Variants in EVC2 observed in about 807,000 individuals in gnomAD.
EVC2 encodes the protein EvC ciliary complex subunit 2, also known as limbin.
Under a neutral mutation model 149.3 loss-of-function variants are expected in EVC2, and 148 were observed. The ratio of observed to expected loss-of-function variants is 0.99; its 90% confidence interval spans 0.87 to 1.14. The LOEUF (loss-of-function observed/expected upper bound fraction) is 1.14. Among genes scored for constraint, EVC2 ranks in the 50% most tolerant of loss-of-function variants. The pLI is 0.00. For missense variants in EVC2, 1,854 were observed against 1,627.3 expected, an observed-to-expected ratio of 1.14 and a Z score of -2.40; for synonymous variants, 776 against 649.9, an observed-to-expected ratio of 1.19 and a Z score of -2.95.
chr4:5,535,802 A>G, the EVC2 span, among the ~76,000 whole-genome samples: 1 of 152,180 alleles, frequency 6.6e-6, no homozygotes. This position sits in a 1 kb window ranked among gnomAD's most constrained non-coding sequence, Gnocchi z 4.7. Flanking sequence ...GGAGAGGGAC[A>G]CAGTCATTCA....
At chr4:5,597,114 C>G (rs1319660422) in intron 16 of EVC2, among the ~76,000 whole-genome samples, 2 of 152,200 alleles carry the variant, frequency 1.3e-5, no homozygotes, top group Non-Finnish European at 2.9e-5. Context: ...CAGACGGATT[C>G]ACAGCCGAAT....
chr4:5,697,001 TGACA>T (rs1721516676), intron 2 of EVC2, among the ~76,000 whole-genome samples: 1 of 152,196 alleles, frequency 6.6e-6, no homozygotes, highest in Admixed American at 6.5e-5. Context: ...GACAGAGATT[TGACA>T]GACAGAAGAG....
intron 20 of EVC2, among the ~76,000 whole-genome samples, chr4:5,566,151 G>C (rs957124973): frequency 6.6e-6 from 1 of 152,258 alleles, no homozygotes; most frequent in Admixed American, 6.5e-5. Flanking sequence ...GGTGGGCTAG[G>C]CAGGGAGCCC....
At position 5,637,056 on chromosome 4, in the gene EVC2, G is replaced by A. The variant is rs572422576; in HGVS notation, c.1470+3458C>T. Among the ~76,000 whole-genome samples the A allele has an allele frequency of 6.6e-6, 1 of 152,182 alleles. No homozygotes were observed. The highest frequency in any genetic ancestry group is 1.5e-5 in the Non-Finnish European group (1 of 68,036). ...TACACGCTGGCTTGCAAGGTGGTGTGGGTGGGAGAGACAGGCTGCAGAAAA... is the reference window on the plus strand; with the variant it reads ...TACACGCTGGCTTGCAAGGTGGTGTAGGTGGGAGAGACAGGCTGCAGAAAA... On this transcript the variant is annotated intron_variant, in intron 10 of 21. Coordinates refer to ENST00000344408, the MANE Select transcript of EVC2 (RefSeq NM_147127.5). The surrounding 1 kb of genome is among the most constrained non-coding windows in gnomAD (Gnocchi z 4.4).
At chr4:5,581,400 TGAG>T (rs1233052156) in intron 17 of EVC2, among the ~76,000 whole-genome samples, 1 of 152,236 alleles carries the variant, frequency 6.6e-6, no homozygotes, top group Non-Finnish European at 1.5e-5. Context: ...AATTCTAGGC[TGAG>T]GAGGTCTCAG....
intron 13 of EVC2, among the ~76,000 whole-genome samples, chr4:5,624,991 A>G (rs536340886): frequency 1.2e-4 from 19 of 152,134 alleles, no homozygotes; most frequent in Admixed American, 1.0e-3. Context: ...ATCCGCTCGC[A>G]CCCGGCCAAG....
Position 5,622,835 on chromosome 4 carries a change from C to G in EVC2, c.2203G>C (p.Asp735His). 1.2e-6 allele frequency: 2 copies of G among 1,614,004 alleles called. No homozygotes were observed. Among genetic ancestry groups the G allele is most frequent in the Non-Finnish European group, 1.7e-6 (2 of 1,180,004 alleles). Residue 735 changes from aspartate (D) to histidine (H), a missense_variant, in exon 14 of 22, where the codon GAT (aspartate) becomes CAT (histidine). Transcript: ENST00000344408. This position sits in a 1 kb window ranked among gnomAD's most constrained non-coding sequence, Gnocchi z 5.8. The stretch of plus-strand genomic sequence containing the variant: ...AGCGAAAGGGTCAGGGTCCTGAGAT[C>G]GTCCAGGGCGGCCTGGTCCAGACGC... Reference protein sequence around the residue: ...QERLDQAALDDLRTLTLSLFE... With the variant: ...QERLDQAALDHLRTLTLSLFE...
At chr4:5,594,574 C>T (rs545774325) in intron 16 of EVC2, among the ~76,000 whole-genome samples, 3 of 152,146 alleles carry the variant, frequency 2.0e-5, no homozygotes, top group Non-Finnish European at 4.4e-5. Flanking sequence ...CCCATCTGTA[C>T]ATCACCATCA....
intron 16 of EVC2, among the ~76,000 whole-genome samples, chr4:5,589,246 G>A (rs377696835): frequency 5.9e-5 from 9 of 152,258 alleles, no homozygotes; most frequent in South Asian, 2.1e-4. Context: ...TTCCATTGCC[G>A]AGGCAAGACC....
chr4:5,680,863 T>C, intron 7 of EVC2, among the ~76,000 whole-genome samples: 1 of 151,666 alleles, frequency 6.6e-6, no homozygotes, highest in Non-Finnish European at 1.5e-5. Flanking sequence ...AATGGAGAAG[T>C]ATTATGGTGA....
rs953678397 is a variant in EVC2 at position 5,567,813 on chromosome 4, T to C, written c.3557+631A>G. Among the ~76,000 whole-genome samples, 2 of 152,024 alleles carry C rather than the reference T, an allele frequency of 1.3e-5. No homozygotes were observed. The highest frequency in any genetic ancestry group is 4.8e-5 in the African/African-American group (2 of 41,376). Reference sequence around the variant, plus strand: ...GCATGAGGAGCCAGTAAAAATAATATCCACCTGTGCCACGTGTCAATAACA... The same window carrying C: ...GCATGAGGAGCCAGTAAAAATAATACCCACCTGTGCCACGTGTCAATAACA... On this transcript the variant is annotated intron_variant, in intron 20 of 21. Transcript: ENST00000344408. This position sits in a 1 kb window ranked among gnomAD's most constrained non-coding sequence, Gnocchi z 4.4.
At chr4:5,632,858 G>T (rs562891738) in intron 10 of EVC2, among the ~76,000 whole-genome samples, 1 of 152,236 alleles carries the variant, frequency 6.6e-6, no homozygotes, top group East Asian at 1.9e-4. Flanking sequence ...ACATGGGTAG[G>T]CGGGATTCTG....
Position 5,649,874 on chromosome 4 carries a change from T to C in EVC2, c.1146-9036A>G, listed in dbSNP as rs533783190. ...TTTATAAACTATCCATTTGAAGGCA[T>C]AGACAATGGAAATTTGGGGAGAAAA... On this transcript the variant is annotated intron_variant, in intron 9 of 21. Transcript: ENST00000344408. Among the ~76,000 whole-genome samples, 565 of 127,602 alleles carry C rather than the reference T, an allele frequency of 4.4e-3. 4 individuals are homozygous for C. Among genetic ancestry groups the C allele is most frequent in the Non-Finnish European group, 4.6e-3 (249 of 54,582 alleles). 83.7% of individuals were successfully genotyped at this position (127,602 alleles called of 152,430 possible). A position where few individuals can be genotyped will look rare whatever the true frequency, so the allele number is the denominator to read the frequency against.
intron 12 of EVC2, 118 bp downstream of exon 12, chr4:5,628,441 G>C (rs1716280302): frequency 7.5e-7 from 1 of 1,336,212 alleles, no homozygotes; most frequent in South Asian, 1.3e-5. Context: ...CCAGCCTCTA[G>C]AACTATGAAC....
chr4:5,634,544 T>C (rs921488245), intron 10 of EVC2, among the ~76,000 whole-genome samples: 7 of 152,152 alleles, frequency 4.6e-5, no homozygotes, highest in African/African-American at 1.7e-4. Flanking sequence ...AATCCTAAAA[T>C]AAAATATTTG....
intron 7 of EVC2, among the ~76,000 whole-genome samples, chr4:5,674,572 C>A (rs573351093): frequency 6.6e-6 from 1 of 152,206 alleles, no homozygotes; most frequent in African/African-American, 2.4e-5. Flanking sequence ...AACTAGCTGG[C>A]CAGGGGAGGG....
In EVC2 at chr4:5,584,734, C is replaced by G; in HGVS notation, c.2946G>C (p.Leu982=). ...TGCTGAGGAGGGCGGTGTAGGCCGA[C>G]AGAGTCTCGGTCACCCGGGACGCCT... ...FQKASRVTET[L]SAYTALLSIQ... is the part of the protein sequence containing the mutation. Residue 982 remains leucine (L), a synonymous_variant, in exon 17 of 22, where the codon CTG becomes CTC. Coordinates refer to ENST00000344408, the MANE Select transcript of EVC2 (RefSeq NM_147127.5). 1 of 1,614,174 alleles carries G rather than the reference C, an allele frequency of 6.2e-7. No homozygotes were observed. Among genetic ancestry groups the G allele is most frequent in the Non-Finnish European group, 8.5e-7 (1 of 1,180,030 alleles).
chr4:5,600,838 G>C (rs1482579773), intron 16 of EVC2, among the ~76,000 whole-genome samples: 1 of 152,098 alleles, frequency 6.6e-6, no homozygotes, highest in East Asian at 1.9e-4. Flanking sequence ...TGCTCAGCAG[G>C]CCACTCTCTT....
chr4:5,597,453 C>T (rs1405013606), intron 16 of EVC2, among the ~76,000 whole-genome samples: 11 of 151,808 alleles, frequency 7.2e-5, no homozygotes, highest in Admixed American at 6.6e-4. Context: ...ATAAACAGAA[C>T]CAAAGACAAA....
Sources: allele counts gnomAD v4.1 joint callset (sites outside exome capture counted in the v4.1 genomes callset), GRCh38; gene constraint gnomAD v4.1.1; non-coding constraint Gnocchi (gnomAD v3.1); transcripts MANE v1.5; gene names NCBI Gene and HGNC (gene_info 2026-07-23, HGNC 2026-07-21).